Variants in ATE1 observed in about 807,000 individuals in gnomAD.
The protein encoded by ATE1 is arginyl-tRNA--protein transferase 1.
A neutral mutation model predicts 70.5 loss-of-function variants in ATE1; 36 were observed. The observed-to-expected ratio is 0.51, with a 90% CI of 0.39 to 0.67. The LOEUF (loss-of-function observed/expected upper bound fraction) is 0.67. Among genes scored for constraint, ATE1 ranks in the 30% least tolerant of loss-of-function variants. ATE1 has a pLI of 0.00. For synonymous variants in ATE1, 232 were observed against 219.3 expected (o/e 1.06, Z -0.51); for missense variants, 593 against 629.5 (o/e 0.94, Z 0.62).
intron 11 of ATE1, among the ~76,000 whole-genome samples, chr10:121,764,915 A>T (rs1945213500): frequency 6.6e-6 from 1 of 152,174 alleles, no homozygotes; most frequent in Admixed American, 6.5e-5. Context: ...CTGGAGAATA[A>T]ATATGAAGTG....
intron 10 of ATE1, among the ~76,000 whole-genome samples, chr10:121,796,982 G>A (rs931353393): frequency 2.0e-5 from 3 of 152,156 alleles, no homozygotes; most frequent in African/African-American, 7.2e-5. Context: ...TTAACAAAAT[G>A]TAACAGAATT....
At chr10:121,744,319 A>G (rs1003568219) in intron 11 of ATE1, among the ~76,000 whole-genome samples, 26 of 152,110 alleles carry the variant, frequency 1.7e-4, no homozygotes, top group African/African-American at 6.0e-4. Context: ...GGCAGCATTA[A>G]TATTAACACA....
chr10:121,870,484 G>A (rs1021219754), intron 7 of ATE1, among the ~76,000 whole-genome samples: 1 of 137,664 alleles, frequency 7.3e-6, no homozygotes, highest in African/African-American at 2.5e-5. Context: ...CCAGGGGAGA[G>A]GAAAGACCAA....
At chr10:121,783,065 G>A (rs1440394791) in intron 11 of ATE1, among the ~76,000 whole-genome samples, 1 of 152,042 alleles carries the variant, frequency 6.6e-6, no homozygotes, top group South Asian at 2.1e-4. Context: ...GTAGTAAAAA[G>A]TTTTTTACAA....
At chr10:121,854,660 A>T (rs1320124147) in intron 8 of ATE1, among the ~76,000 whole-genome samples, 1 of 152,106 alleles carries the variant, frequency 6.6e-6, no homozygotes, top group East Asian at 1.9e-4. Flanking sequence ...TATTATCCCC[A>T]GGGATGGTAG....
chr10:121,840,985 T>G, intron 9 of ATE1, 97 bp downstream of exon 9: 1 of 1,120,816 alleles, frequency 8.9e-7, no homozygotes, highest in Non-Finnish European at 1.2e-6. Context: ...ACACTGTCAA[T>G]TAGGACTTCT....
intron 7 of ATE1, among the ~76,000 whole-genome samples, chr10:121,871,099 T>A (rs540513122): frequency 6.6e-6 from 1 of 152,300 alleles, no homozygotes; most frequent in Admixed American, 6.5e-5. Flanking sequence ...TTATATGATG[T>A]CTGGGATTCC....
At chr10:121,783,823 T>C (rs1265136246) in intron 11 of ATE1, among the ~76,000 whole-genome samples, 1 of 152,212 alleles carries the variant, frequency 6.6e-6, no homozygotes, top group Non-Finnish European at 1.5e-5. Flanking sequence ...TTCTATAATT[T>C]ACTACAGAAT....
intron 11 of ATE1, among the ~76,000 whole-genome samples, chr10:121,747,382 A>C (rs1009031377): frequency 6.6e-6 from 1 of 152,152 alleles, no homozygotes; most frequent in Non-Finnish European, 1.5e-5. Flanking sequence ...CTGGTCTCCA[A>C]CTGGGTTCAG....
intron 11 of ATE1, among the ~76,000 whole-genome samples, chr10:121,773,209 C>T (rs1945592414): frequency 6.6e-6 from 1 of 152,210 alleles, no homozygotes. Flanking sequence ...TGACCTAATG[C>T]TCTTGGTTTT....
At chr10:121,925,159 G>A (rs1204149899) in intron 1 of ATE1, among the ~76,000 whole-genome samples, 1 of 152,200 alleles carries the variant, frequency 6.6e-6, no homozygotes, top group South Asian at 2.1e-4. Flanking sequence ...AGTGGCTCAC[G>A]CCTGTAATCC....
chr10:121,882,485 T>C (rs1379648622), intron 7 of ATE1, among the ~76,000 whole-genome samples: 3 of 152,158 alleles, frequency 2.0e-5, no homozygotes, highest in Non-Finnish European at 4.4e-5. Flanking sequence ...TCACAACAAA[T>C]TGTGTTGTAT....
intron 7 of ATE1, among the ~76,000 whole-genome samples, chr10:121,875,308 G>GTTTTTTTT (rs869073193): frequency 6.4e-4 from 8 of 12,564 alleles, no homozygotes; most frequent in Non-Finnish European, 1.1e-3. Flanking sequence ...GTTTTTTTTT[G>GTTTTTTTT]TTTTTTTTTT....
At chr10:121,792,226 A>C (rs1946481550) in intron 10 of ATE1, among the ~76,000 whole-genome samples, 1 of 152,210 alleles carries the variant, frequency 6.6e-6, no homozygotes, top group East Asian at 1.9e-4. Flanking sequence ...AGTTGGGCCA[A>C]GTAGAAAACT....
chr10:121,808,461 G>A (rs572929212), intron 10 of ATE1, among the ~76,000 whole-genome samples: 40 of 152,280 alleles, frequency 2.6e-4, no homozygotes, highest in Middle Eastern at 6.8e-3. Flanking sequence ...GGAAGAGTGA[G>A]GCAAATTAAT....
chr10:121,785,155 G>C (rs1414838543), intron 11 of ATE1, among the ~76,000 whole-genome samples: 1 of 152,090 alleles, frequency 6.6e-6, no homozygotes, highest in African/African-American at 2.4e-5. Flanking sequence ...CATTCATTTT[G>C]CAACTTGAAG....
chr10:121,893,318 A>G (rs1183142073), intron 7 of ATE1, among the ~76,000 whole-genome samples: 1 of 151,952 alleles, frequency 6.6e-6, no homozygotes, highest in African/African-American at 2.4e-5. Flanking sequence ...CGTTATGTAG[A>G]TAATTGTACC....
chr10:121,743,773 C>T lies in ATE1; in HGVS notation c.1464G>A (p.Gln488=). 1 of 1,614,128 alleles carries T rather than the reference C, an allele frequency of 6.2e-7. No individual in the cohort carries two copies. Among genetic ancestry groups the T allele is most frequent in the Non-Finnish European group, 8.5e-7 (1 of 1,180,034 alleles). ...AIMPYGVYKK[Q]QKDPSEEAAV... is the part of the protein sequence containing the mutation. ...CAGCCTCCTCACTTGGGTCTTTCTGCTGTTTCTTATAAACACCGTAAGGCA... is the reference window on the plus strand; with the variant it reads ...CAGCCTCCTCACTTGGGTCTTTCTGTTGTTTCTTATAAACACCGTAAGGCA... Residue 488 remains glutamine (Q), a synonymous_variant, in exon 12 of 12, where the codon CAG becomes CAA. Transcript: ENST00000224652.
chr10:121,884,459 T>A (rs751687827), intron 7 of ATE1, among the ~76,000 whole-genome samples: 3 of 151,866 alleles, frequency 2.0e-5, no homozygotes, highest in Non-Finnish European at 2.9e-5. Flanking sequence ...TGTGGTGGCG[T>A]ATGTCTGTAG....
Sources: gnomAD v4.1 joint callset for allele counts (sites outside exome capture counted in the v4.1 genomes callset) on GRCh38, gnomAD v4.1.1 for gene constraint, MANE v1.5 for transcripts, NCBI Gene and HGNC (gene_info 2026-07-23, HGNC 2026-07-21) for gene names.